The following AP4B1 variants were observed in gnomAD, a reference collection of about 807,000 sequenced individuals.
AP4B1 encodes the protein AP-4 complex subunit beta-1.
A neutral mutation model predicts 76.5 loss-of-function variants in AP4B1; 49 were observed. That is an observed-to-expected ratio of 0.64 (90% confidence interval 0.51 to 0.81). The LOEUF (loss-of-function observed/expected upper bound fraction) is 0.81. Ranked by LOEUF, AP4B1 falls within the 40% of genes least tolerant of loss-of-function variation. AP4B1 has a pLI of 0.00. For missense variants in AP4B1, 911 were observed against 904.9 expected, an observed-to-expected ratio of 1.01 and a Z score of -0.09; for synonymous variants, 330 against 333.3, an observed-to-expected ratio of 0.99 and a Z score of 0.11.
chr1:113,903,814 T>A (rs1334256319), intron 1 of AP4B1, among the ~76,000 whole-genome samples: 1 of 152,164 alleles, frequency 6.6e-6, no homozygotes, highest in Non-Finnish European at 1.5e-5. Flanking sequence ...CTCAGACTGG[T>A]CTCCTACTGG....
chr1:113,900,483 T>G, intron 4 of AP4B1, 83 bp from the exon 5 acceptor site: 1 of 1,506,200 alleles, frequency 6.6e-7, no homozygotes, highest in Non-Finnish European at 9.1e-7. Flanking sequence ...ACCAGGTGGT[T>G]GTTCATCATA....
At chr1:113,904,037 G>A (rs949486711) in intron 1 of AP4B1, among the ~76,000 whole-genome samples, 2 of 152,212 alleles carry the variant, frequency 1.3e-5, no homozygotes, top group Non-Finnish European at 2.9e-5. Flanking sequence ...TGGCCTACTA[G>A]TAAGCTGCTG....
chr1:113,894,996 G>T lies in AP4B1; in HGVS notation c.*69C>A. On this transcript the variant is annotated 3_prime_UTR_variant, in exon 10 of 10. Coordinates refer to ENST00000369569, the MANE Select transcript of AP4B1 (RefSeq NM_001253852.3). The stretch of plus-strand genomic sequence containing the variant: ...CTGATATTATCTGGACTTACTGGCA[G>T]CTCTAATAGGAAAGACTAAGAAAGT... 1.3e-6 allele frequency: 2 copies of T among 1,486,644 alleles called. No individual in the cohort carries two copies. Among genetic ancestry groups the T allele is most frequent in the Non-Finnish European group, 1.8e-6 (2 of 1,086,500 alleles). The allele number at this position is 1,486,644 out of a possible 1,614,324, so 92.1% of individuals were successfully genotyped here.
In AP4B1 at chr1:113,902,978, A is replaced by G; in HGVS notation, c.114-116T>C. On this transcript the variant is annotated intron_variant, in intron 1 of 9. Transcript: ENST00000369569. The stretch of plus-strand genomic sequence containing the variant: ...ACTAGATTGTGATCTCTTAGAGGGT[A>G]GCAGCCAGGATTACCTTGTCTATTA... 7 of 877,210 alleles carry G rather than the reference A, an allele frequency of 8.0e-6. No homozygotes were observed. The South Asian group carries it at 8.3e-5, about 10-fold the overall frequency. 54.3% of individuals were successfully genotyped at this position (877,210 alleles called of 1,614,324 possible).
intron 3 of AP4B1, 29 bp downstream of exon 3, chr1:113,901,726 T>C (rs549396865): frequency 2.4e-5 from 39 of 1,614,014 alleles, no homozygotes; most frequent in East Asian, 1.8e-4. Context: ...TGGAGGCACA[T>C]TGACCATGAT....
At chr1:113,901,511 A>G in intron 3 of AP4B1, 128 bp from the exon 4 acceptor site, 4 of 1,238,430 alleles carry the variant, frequency 3.2e-6, no homozygotes, top group Non-Finnish European at 4.5e-6. Context: ...AGGCCACACT[A>G]AAGTGCAAGG....
Position 113,900,195 on chromosome 1 carries a change from C to G in AP4B1, c.823G>C (p.Val275Leu), listed in dbSNP as rs1012543668. 1 of 1,613,914 alleles carries G rather than the reference C, an allele frequency of 6.2e-7. No individual in the cohort carries two copies. Among genetic ancestry groups the G allele is most frequent in the African/African-American group, 1.3e-5 (1 of 74,912 alleles). Residue 275 changes from valine (V) to leucine (L), a missense_variant, in exon 5 of 10, where the codon GTG becomes CTG. Coordinates refer to ENST00000369569, the MANE Select transcript of AP4B1 (RefSeq NM_001253852.3). ...GCTAGCAAAGGTCCCTTGACCCGCA[C>G]AAGGACATCAGTTTGTACGTGGGGA... ...MFPHVQTDVL[V>L]RVKGPLLAAC...
In AP4B1 at chr1:113,901,860, G is replaced by T; in HGVS notation, c.364C>A (p.Gln122Lys). The change falls in exon 3 of 10, where the codon CAA becomes AAA. Residue 122 changes from glutamine (Q) to lysine (K), a missense_variant. By Grantham distance (53) the Gln-to-Lys change is moderately conservative. Coordinates refer to ENST00000369569, the MANE Select transcript of AP4B1 (RefSeq NM_001253852.3). The stretch of plus-strand genomic sequence containing the variant: ...CGCAGACCATTGAGAATAGGCTGTT[G>T]TATATACTCCTGCACACCAGGCATC... ...LRMPGVQEYI[Q>K]QPILNGLRDK... 1 of 1,614,124 alleles carries T rather than the reference G, an allele frequency of 6.2e-7. No homozygotes were observed. The highest frequency in any genetic ancestry group is 2.2e-5 in the East Asian group (1 of 44,888).
At chr1:113,903,940 T>C (rs1456998642) in intron 1 of AP4B1, among the ~76,000 whole-genome samples, 1 of 152,206 alleles carries the variant, frequency 6.6e-6, no homozygotes, top group Non-Finnish European at 1.5e-5. Flanking sequence ...TTTTTATGCA[T>C]AGTAAAGTTT....
chr1:113,904,228 G>T (rs1315981959), intron 1 of AP4B1, among the ~76,000 whole-genome samples: 1 of 152,184 alleles, frequency 6.6e-6, no homozygotes, highest in Non-Finnish European at 1.5e-5. Context: ...AATGTAAGCT[G>T]AACAGGTTTG....
chr1:113,901,137 C>A lies in AP4B1; in HGVS notation c.617+99G>T, dbSNP rs1668199213. ...AATAATAATAATAATGGTTAACTTT[C>A]TTTTCTACCCCACATAAGTTGTTCA... On this transcript the variant is annotated intron_variant, in intron 4 of 9. Coordinates refer to ENST00000369569, the MANE Select transcript of AP4B1 (RefSeq NM_001253852.3). The A allele has an allele frequency of 4.1e-6, 6 of 1,468,218 alleles. No homozygotes were observed. The African/African-American group carries it at 4.2e-5, about 10-fold the overall frequency. The allele number at this position is 1,468,218 out of a possible 1,614,324, so 90.9% of individuals were successfully genotyped here.
intron 3 of AP4B1, 109 bp from the exon 4 acceptor site, chr1:113,901,492 A>G: frequency 1.5e-6 from 2 of 1,350,672 alleles, no homozygotes; most frequent in South Asian, 2.5e-5. Flanking sequence ...TCTGCTACAA[A>G]AATGACAAAG....
chr1:113,901,993 C>T (rs551755388), intron 2 of AP4B1, 108 bp from the exon 3 acceptor site: 1 of 1,358,064 alleles, frequency 7.4e-7, no homozygotes, highest in Non-Finnish European at 1.0e-6. Flanking sequence ...CCCATCAGAT[C>T]ATGAAGAATT....
chr1:113,897,597 C>G (rs913440087), intron 7 of AP4B1: 4 of 531,192 alleles, frequency 7.5e-6, no homozygotes, highest in Non-Finnish European at 1.3e-5. Context: ...CAAAGCAAAA[C>G]AAAACAAAAC....
chr1:113,895,090 C>A lies in AP4B1; in HGVS notation c.2195G>T (p.Gly732Val). The change falls in exon 10 of 10, where the codon GGA becomes GTA. Residue 732 changes from glycine (G) to valine (V), a missense_variant. Gly to Val is a moderately radical substitution (Grantham distance 109). Coordinates refer to ENST00000369569, the MANE Select transcript of AP4B1 (RefSeq NM_001253852.3). ...TTATGATTTTATTTCTTCAATTGTT[C>A]CAATCACAGTTTCTAATACAGAAAT... ...SFISVLETVI[G>V]TIEEIKS The A allele has an allele frequency of 6.2e-7, 1 of 1,613,882 alleles. No homozygotes were observed. The highest frequency in any genetic ancestry group is 1.1e-5 in the South Asian group (1 of 91,032).
chr1:113,901,206 A>C, intron 4 of AP4B1, 30 bp downstream of exon 4: 1 of 1,613,566 alleles, frequency 6.2e-7, no homozygotes, highest in Non-Finnish European at 8.5e-7. Context: ...AGCAGATCTC[A>C]TAATAAAAAG....
intron 5 of AP4B1, among the ~76,000 whole-genome samples, chr1:113,899,571 C>T (rs920307410): frequency 6.6e-6 from 1 of 152,136 alleles, no homozygotes; most frequent in Non-Finnish European, 1.5e-5. Flanking sequence ...TGACATTTGT[C>T]TACTTTTCCT....
Position 113,904,643 on chromosome 1 carries a change from A to C in AP4B1, c.75T>G (p.Asp25Glu). ...KALCNPHIQA[D>E]RLRYRNVIQR... ...GGATGACATTCCGGTAGCGCAGCCTATCAGCTTGAATGTGAGGATTGCACA... is the reference window on the plus strand; with the variant it reads ...GGATGACATTCCGGTAGCGCAGCCTCTCAGCTTGAATGTGAGGATTGCACA... The change falls in exon 1 of 10, where the codon GAT (aspartate) becomes GAG (glutamate). Residue 25 changes from aspartate to glutamate, a missense_variant. Coordinates refer to ENST00000369569, the MANE Select transcript of AP4B1 (RefSeq NM_001253852.3). 1 of 1,613,724 alleles carries C rather than the reference A, an allele frequency of 6.2e-7. No homozygotes were observed.
chr1:113,897,746 A>T, intron 7 of AP4B1, 94 bp downstream of exon 7: 1 of 1,381,320 alleles, frequency 7.2e-7, no homozygotes, highest in East Asian at 2.4e-5. Context: ...CCCACTTCAA[A>T]CACAGGGTAG....
Sources: gnomAD v4.1 joint callset for allele counts (sites outside exome capture counted in the v4.1 genomes callset) on GRCh38, gnomAD v4.1.1 for gene constraint, MANE v1.5 for transcripts, NCBI Gene and HGNC (gene_info 2026-07-23, HGNC 2026-07-21) for gene names.